Variants in ATP6V1H observed in about 807,000 individuals in gnomAD.
ATP6V1H encodes the protein V-type proton ATPase subunit H.
A neutral mutation model predicts 71.7 loss-of-function variants in ATP6V1H; 39 were observed. That is an observed-to-expected ratio of 0.54 (90% CI 0.42 to 0.71). ATP6V1H has a LOEUF of 0.71. Among genes scored for constraint, ATP6V1H ranks in the 30% least tolerant of loss-of-function variants. The pLI is 0.00. For missense variants in ATP6V1H, 509 were observed against 594.9 expected (o/e 0.86, Z 1.50); for synonymous variants, 192 against 199.3 (o/e 0.96, Z 0.31).
rs762472179 is a variant in ATP6V1H, at chr8:53,795,928, A to G, written c.678-89T>C. On this transcript the variant is annotated intron_variant, in intron 8 of 13. Transcript: ENST00000359530. ...TATTCTCTTTTTGCACTAATGGAAC[A>G]GGTCTCTCTGAATTATGTCCTGTTT... 390 of 1,166,852 alleles carry G rather than the reference A, an allele frequency of 3.3e-4. 2 individuals are homozygous for G. The highest frequency in any genetic ancestry group is 4.4e-4 in the Non-Finnish European group (372 of 839,240). 72.3% of individuals were successfully genotyped at this position (1,166,852 alleles called of 1,614,324 possible).
At chr8:53,771,887 G>T in intron 10 of ATP6V1H, 102 bp downstream of exon 10, 1 of 1,043,864 alleles carries the variant, frequency 9.6e-7, no homozygotes, top group Non-Finnish European at 1.4e-6. Context: ...GGACTCTCTT[G>T]ATTTGTATAG....
intron 12 of ATP6V1H, among the ~76,000 whole-genome samples, chr8:53,744,807 A>G: frequency 6.6e-6 from 1 of 152,064 alleles, no homozygotes; most frequent in Non-Finnish European, 1.5e-5. Flanking sequence ...ACTTTAAAAC[A>G]TTATCTAATA....
chr8:53,724,655 T>C (rs1410207594), intron 13 of ATP6V1H, among the ~76,000 whole-genome samples: 7 of 141,720 alleles, frequency 4.9e-5, no homozygotes, highest in African/African-American at 1.8e-4. Context: ...GGCAGTGCGC[T>C]GAGCTGAAGA....
At chr8:53,770,560 A>T (rs1808618408) in intron 10 of ATP6V1H, among the ~76,000 whole-genome samples, 1 of 152,222 alleles carries the variant, frequency 6.6e-6, no homozygotes. Context: ...AAGTAGTACA[A>T]TACTTTAATG....
intron 9 of ATP6V1H, among the ~76,000 whole-genome samples, chr8:53,790,382 T>A (rs1433071117): frequency 1.3e-5 from 2 of 152,080 alleles, no homozygotes; most frequent in Non-Finnish European, 2.9e-5. Context: ...TGAAGTAAGT[T>A]TACCATGACT....
chr8:53,830,035 G>C (rs996254545), intron 3 of ATP6V1H, among the ~76,000 whole-genome samples: 2 of 152,088 alleles, frequency 1.3e-5, no homozygotes, highest in Non-Finnish European at 2.9e-5. Context: ...ACTTCCCCAT[G>C]ACTGTTGTAA....
intron 9 of ATP6V1H, among the ~76,000 whole-genome samples, chr8:53,793,415 G>C (rs1809628185): frequency 6.6e-6 from 1 of 152,040 alleles, no homozygotes. Context: ...GAGGGAGGAG[G>C]ACTGCTTGAG....
intron 11 of ATP6V1H, among the ~76,000 whole-genome samples, chr8:53,766,041 A>G (rs913031349): frequency 6.6e-6 from 1 of 152,228 alleles, no homozygotes; most frequent in Non-Finnish European, 1.5e-5. Context: ...TGGAGCAAAG[A>G]TAGTCTTGTC....
chr8:53,774,157 T>C (rs1379669054), intron 9 of ATP6V1H, among the ~76,000 whole-genome samples: 1 of 152,194 alleles, frequency 6.6e-6, no homozygotes, highest in Non-Finnish European at 1.5e-5. Context: ...TCAGAGAAAT[T>C]TTCAGACACA....
At chr8:53,754,614 T>C (rs1807924769) in intron 12 of ATP6V1H, among the ~76,000 whole-genome samples, 1 of 152,220 alleles carries the variant, frequency 6.6e-6, no homozygotes. Context: ...CCTGAAATAC[T>C]TGAAGGTTCC....
At chr8:53,726,604 C>T (rs919730127) in intron 13 of ATP6V1H, among the ~76,000 whole-genome samples, 1 of 152,076 alleles carries the variant, frequency 6.6e-6, no homozygotes, top group African/African-American at 2.4e-5. Context: ...ATTCTATCAC[C>T]GCCAAGTTAG....
At chr8:53,791,161 T>C (rs751839696) in intron 9 of ATP6V1H, among the ~76,000 whole-genome samples, 7 of 152,206 alleles carry the variant, frequency 4.6e-5, no homozygotes, top group Non-Finnish European at 1.0e-4. Flanking sequence ...GTTGAAAAGA[T>C]GCAATATCTA....
intron 2 of ATP6V1H, among the ~76,000 whole-genome samples, chr8:53,833,554 G>GAAA (rs770822594): frequency 5.7e-4 from 77 of 134,660 alleles, no homozygotes; most frequent in African/African-American, 1.9e-3. Context: ...CCTCCAGACA[G>GAAA]AAAAAAAAAA....
intron 2 of ATP6V1H, among the ~76,000 whole-genome samples, chr8:53,838,178 T>G (rs531838604): frequency 1.3e-5 from 2 of 150,884 alleles, no homozygotes; most frequent in Admixed American, 6.6e-5. Flanking sequence ...CAGGCTGGAG[T>G]GCAGTGGTGC....
chr8:53,732,322 A>G (rs1807052751), intron 13 of ATP6V1H, among the ~76,000 whole-genome samples: 1 of 152,202 alleles, frequency 6.6e-6, no homozygotes, highest in African/African-American at 2.4e-5. Flanking sequence ...AAATATACAT[A>G]TACAAAAAAA....
intron 4 of ATP6V1H, among the ~76,000 whole-genome samples, chr8:53,826,773 C>T (rs911022910): frequency 2.6e-5 from 4 of 151,192 alleles, no homozygotes; most frequent in African/African-American, 9.7e-5. Flanking sequence ...ATGGTAAAAC[C>T]CCGTCTCTAC....
chr8:53,772,463 T>C (rs1808698514), intron 9 of ATP6V1H, among the ~76,000 whole-genome samples: 1 of 152,158 alleles, frequency 6.6e-6, no homozygotes, highest in South Asian at 2.1e-4. Context: ...ACAGTCCTTT[T>C]TCATGGACTT....
chr8:53,777,457 G>A lies in ATP6V1H; in HGVS notation c.871-5290C>T, dbSNP rs539613773. On this transcript the variant is annotated intron_variant, in intron 9 of 13. Coordinates refer to ENST00000359530, the MANE Select transcript of ATP6V1H (RefSeq NM_015941.4). Reference sequence around the variant, plus strand: ...GAAAAATAAAGGAGAGAGGTCAGAAGTGGAACGATATCTTGAAAGTACCGA... The same window carrying A: ...GAAAAATAAAGGAGAGAGGTCAGAAATGGAACGATATCTTGAAAGTACCGA... 5.3e-5 allele frequency among the ~76,000 whole-genome samples: 8 copies of A among 151,884 alleles called. No individual in the cohort carries two copies. The East Asian group carries it at 1.5e-3, about 29-fold the overall frequency.
chr8:53,806,571 A>C (rs919814379), intron 7 of ATP6V1H, among the ~76,000 whole-genome samples: 6 of 152,140 alleles, frequency 3.9e-5, no homozygotes, highest in Non-Finnish European at 8.8e-5. Flanking sequence ...ACAGAAAAAA[A>C]ATTGTCAGCA....
Sources: gnomAD v4.1 joint callset for allele counts (sites outside exome capture counted in the v4.1 genomes callset) on GRCh38, gnomAD v4.1.1 for gene constraint, MANE v1.5 for transcripts, NCBI Gene and HGNC (gene_info 2026-07-23, HGNC 2026-07-21) for gene names.